Variants in WDFY2 observed in about 807,000 individuals in gnomAD.
WDFY2 encodes WD repeat and FYVE domain-containing protein 2.
A neutral mutation model predicts 56.4 loss-of-function variants in WDFY2; 36 were observed. That is an observed-to-expected ratio of 0.64 (90% CI 0.49 to 0.84). The LOEUF (loss-of-function observed/expected upper bound fraction) is 0.84. WDFY2 is among the 40% of genes least tolerant of loss of function. The pLI is 0.00. For synonymous variants in WDFY2, 176 were observed against 183.7 expected, an observed-to-expected ratio of 0.96 and a Z score of 0.34; for missense variants, 444 against 512.2, an observed-to-expected ratio of 0.87 and a Z score of 1.29.
chr13:51,665,709 G>A (rs546166203), intron 2 of WDFY2, among the ~76,000 whole-genome samples: 154 of 152,216 alleles, frequency 1.0e-3, no homozygotes, highest in Non-Finnish European at 2.0e-3. Flanking sequence ...CGATCAACTT[G>A]GCTGCCAAAG....
At chr13:51,741,497 G>A (rs1404298953) in intron 7 of WDFY2, among the ~76,000 whole-genome samples, 1 of 152,144 alleles carries the variant, frequency 6.6e-6, no homozygotes, top group Non-Finnish European at 1.5e-5. Context: ...GAAGTCCCTG[G>A]AGCTGCCAGA....
intron 1 of WDFY2, among the ~76,000 whole-genome samples, chr13:51,634,917 T>C (rs1462320937): frequency 6.6e-6 from 1 of 151,882 alleles, no homozygotes; most frequent in East Asian, 1.9e-4. Context: ...GCCCTAAACA[T>C]TTATTTACTT....
chr13:51,723,411 A>G (rs757240007), intron 5 of WDFY2, among the ~76,000 whole-genome samples: 4 of 152,098 alleles, frequency 2.6e-5, no homozygotes, highest in Non-Finnish European at 4.4e-5. Context: ...CACACATTGC[A>G]TGTGGTTGTC....
intron 4 of WDFY2, among the ~76,000 whole-genome samples, chr13:51,711,845 C>G (rs1162356807): frequency 6.6e-6 from 1 of 152,184 alleles, no homozygotes; most frequent in Non-Finnish European, 1.5e-5. Flanking sequence ...GTTGGTGGGA[C>G]TGTAAACTAG....
At chr13:51,708,419 C>T (rs1214821293) in intron 4 of WDFY2, among the ~76,000 whole-genome samples, 1 of 151,640 alleles carries the variant, frequency 6.6e-6, no homozygotes, top group Non-Finnish European at 1.5e-5. Flanking sequence ...TTTGAAGTTA[C>T]AGTGAGCTGT....
At chr13:51,693,904 T>G (rs1951804732) in intron 3 of WDFY2, among the ~76,000 whole-genome samples, 1 of 152,040 alleles carries the variant, frequency 6.6e-6, no homozygotes. Context: ...TAGTTAGCTC[T>G]TCTTGTTGAA....
At position 51,695,418 on chromosome 13, in the gene WDFY2, T is replaced by C. The variant is rs1397033780; in HGVS notation, c.280-8178T>C. Among the ~76,000 whole-genome samples the C allele has an allele frequency of 7.9e-5, 12 of 152,334 alleles. No individual in the cohort carries two copies. The South Asian group carries it at 1.2e-3, about 16-fold the overall frequency. On this transcript the variant is annotated intron_variant, in intron 3 of 11. Coordinates refer to ENST00000298125, the MANE Select transcript of WDFY2 (RefSeq NM_052950.4). ...TTGTAACAGACAGGACCCTCAGCTG[T>C]ATGTCTGTTGGAGTTTGCTAGAGGT...
intron 4 of WDFY2, among the ~76,000 whole-genome samples, chr13:51,715,002 A>T (rs1301716286): frequency 2.0e-5 from 3 of 152,244 alleles, no homozygotes; most frequent in Non-Finnish European, 2.9e-5. Context: ...AAGGTACAGT[A>T]AAAATTTGCT....
intron 6 of WDFY2, among the ~76,000 whole-genome samples, chr13:51,738,330 C>A (rs1049520394): frequency 6.6e-6 from 1 of 152,174 alleles, no homozygotes; most frequent in African/African-American, 2.4e-5. Flanking sequence ...CATACCACTA[C>A]AGTAATCCTA....
intron 1 of WDFY2, among the ~76,000 whole-genome samples, chr13:51,628,455 C>G (rs1452258225): frequency 1.3e-5 from 2 of 152,190 alleles, no homozygotes; most frequent in Non-Finnish European, 2.9e-5. Flanking sequence ...TTCCCAGGCC[C>G]CTGAGAGTCC....
chr13:51,745,228 A>C (rs1566219957), intron 7 of WDFY2, among the ~76,000 whole-genome samples: 1 of 152,184 alleles, frequency 6.6e-6, no homozygotes, highest in Non-Finnish European at 1.5e-5. Flanking sequence ...TATACTTTAA[A>C]AAGTGTGAAA....
At chr13:51,715,899 C>T (rs1952335199) in intron 4 of WDFY2, among the ~76,000 whole-genome samples, 1 of 152,052 alleles carries the variant, frequency 6.6e-6, no homozygotes, top group Non-Finnish European at 1.5e-5. Flanking sequence ...TTATGTGGAG[C>T]ATGACAGTAT....
At chr13:51,658,844 A>G (rs1332156422) in intron 1 of WDFY2, among the ~76,000 whole-genome samples, 2 of 152,176 alleles carry the variant, frequency 1.3e-5, no homozygotes, top group East Asian at 3.8e-4. Context: ...CAAACTTAAC[A>G]TCATAACTTA....
intron 4 of WDFY2, among the ~76,000 whole-genome samples, chr13:51,709,835 C>T (rs552349675): frequency 7.9e-5 from 12 of 152,288 alleles, no homozygotes; most frequent in African/African-American, 2.9e-4. Context: ...GACGGATTCA[C>T]AGCCGAATTC....
chr13:51,751,428 G>A lies in WDFY2; in HGVS notation c.831+13G>A, dbSNP rs775778958. 5 of 1,611,816 alleles carry A rather than the reference G, an allele frequency of 3.1e-6. No individual in the cohort carries two copies. The highest frequency in any genetic ancestry group is 4.2e-6 in the Non-Finnish European group (5 of 1,178,020). ...GGAGAGGCAGGAGGTAGGTGGCACA[G>A]CAGGGTGGGGTGGGCCCTGTGGTTC... On this transcript the variant is annotated intron_variant, in intron 8 of 11. Transcript: ENST00000298125.
intron 1 of WDFY2, among the ~76,000 whole-genome samples, chr13:51,604,962 G>T (rs889703361): frequency 6.6e-6 from 1 of 152,222 alleles, no homozygotes; most frequent in African/African-American, 2.4e-5. Flanking sequence ...TTACTTAGCT[G>T]TATGCTCTCA....
chr13:51,606,260 T>C (rs1450343113), intron 1 of WDFY2, among the ~76,000 whole-genome samples: 2 of 152,224 alleles, frequency 1.3e-5, no homozygotes, highest in Non-Finnish European at 2.9e-5. Context: ...ATTTGATTTT[T>C]GTTGAGGATT....
At chr13:51,715,507 C>T (rs961966631) in intron 4 of WDFY2, among the ~76,000 whole-genome samples, 1 of 152,106 alleles carries the variant, frequency 6.6e-6, no homozygotes, top group Non-Finnish European at 1.5e-5. Context: ...GTCTTCGGGG[C>T]CATAACACCC....
At chr13:51,667,381 G>A (rs1488054197) in intron 2 of WDFY2, among the ~76,000 whole-genome samples, 1 of 152,186 alleles carries the variant, frequency 6.6e-6, no homozygotes, top group Non-Finnish European at 1.5e-5. Context: ...TAAGTAAGTT[G>A]AAAGTGTTAG....
Sources: gnomAD v4.1 joint callset for allele counts (sites outside exome capture counted in the v4.1 genomes callset) on GRCh38, gnomAD v4.1.1 for gene constraint, MANE v1.5 for transcripts, NCBI Gene and HGNC (gene_info 2026-07-23, HGNC 2026-07-21) for gene names.